Variants in ADGB observed in about 807,000 individuals in gnomAD.
The protein encoded by ADGB is calpain-7-like protein.
ADGB carries 172 observed loss-of-function variants against 210.5 expected under a neutral mutation model. That is an observed-to-expected ratio of 0.82 (90% CI 0.72 to 0.93). The LOEUF is 0.93. Among genes scored for constraint, ADGB ranks in the 40% least tolerant of loss-of-function variants. The probability of loss-of-function intolerance (pLI) is 0.00; values close to 1 mark genes in which losing one functional copy is unlikely to be tolerated. For synonymous variants in ADGB, 658 were observed against 662.7 expected (o/e 0.99, Z 0.11); for missense variants, 2,025 against 1,964.8 (o/e 1.03, Z -0.58).
chr6:146,638,687 A>T (rs984943646), intron 2 of ADGB, among the ~76,000 whole-genome samples: 2 of 151,356 alleles, frequency 1.3e-5, no homozygotes, highest in Non-Finnish European at 3.0e-5. Flanking sequence ...CACACCAACA[A>T]GGCACATGTA....
chr6:146,644,932 T>C, intron 3 of ADGB, 67 bp downstream of exon 3: 1 of 998,400 alleles, frequency 1.0e-6, no homozygotes, highest in Non-Finnish European at 1.4e-6. Flanking sequence ...TGATAAAAAT[T>C]TGCATTTTTT....
chr6:146,687,817 T>G (rs904863874), intron 10 of ADGB, among the ~76,000 whole-genome samples: 1 of 151,942 alleles, frequency 6.6e-6, no homozygotes, highest in East Asian at 1.9e-4. Context: ...CTTTATGGAG[T>G]GCCATAGTCT....
At chr6:146,806,626 G>T (rs1778216097) in intron 35 of ADGB, among the ~76,000 whole-genome samples, 1 of 152,208 alleles carries the variant, frequency 6.6e-6, no homozygotes, top group Non-Finnish European at 1.5e-5. Flanking sequence ...CAAGGACGAA[G>T]ACAAAGCAGC....
At chr6:146,653,540 A>G (rs1268402207) in intron 3 of ADGB, among the ~76,000 whole-genome samples, 1 of 152,180 alleles carries the variant, frequency 6.6e-6, no homozygotes, top group African/African-American at 2.4e-5. Context: ...CTAAATGATG[A>G]GAATACATCG....
At chr6:146,785,788 G>C in intron 32 of ADGB, 76 bp downstream of exon 32, 1 of 1,035,688 alleles carries the variant, frequency 9.7e-7, no homozygotes, top group Non-Finnish European at 1.4e-6. Context: ...ATAATCAGTG[G>C]GTTGTGCTTG....
intron 1 of ADGB, among the ~76,000 whole-genome samples, chr6:146,603,594 G>C (rs1002427046): frequency 3.3e-5 from 5 of 152,084 alleles, no homozygotes; most frequent in Non-Finnish European, 5.9e-5. Flanking sequence ...TAGCCTTGTA[G>C]ATTTGTAATT....
Position 146,685,820 on chromosome 6 carries a change from G to T in ADGB, c.1303G>T (p.Glu435Ter). 1 of 1,528,278 alleles carries T rather than the reference G, an allele frequency of 6.5e-7. No individual in the cohort carries two copies. Among genetic ancestry groups the T allele is most frequent in the South Asian group, 1.2e-5 (1 of 81,526 alleles). 94.7% of individuals were successfully genotyped at this position (1,528,278 alleles called of 1,614,324 possible). A position where few individuals can be genotyped will look rare whatever the true frequency, so the allele number is the denominator to read the frequency against. Residue 435 changes from glutamate (E) to a stop codon, truncating the protein, a stop_gained, in exon 10 of 36, where the codon GAG (glutamate) becomes TAG (stop). Transcript: ENST00000397944. LOFTEE classifies it high-confidence loss of function. ...YLFENKIFSL[E>*]KMADSAEKLR... is the part of the protein sequence containing the mutation. The stretch of plus-strand genomic sequence containing the variant: ...GTTTGAAAACAAGATCTTTTCATTA[G>T]AGAAGATGGTAAGCATTCAAGCTTA...
At chr6:146,766,678 A>G (rs1777581324) in intron 28 of ADGB, among the ~76,000 whole-genome samples, 1 of 152,090 alleles carries the variant, frequency 6.6e-6, no homozygotes, top group South Asian at 2.1e-4. Flanking sequence ...GGATAGGTCC[A>G]ATAGACTTTT....
chr6:146,610,171 A>G (rs1033325223), intron 1 of ADGB, among the ~76,000 whole-genome samples: 1 of 152,038 alleles, frequency 6.6e-6, no homozygotes, highest in Non-Finnish European at 1.5e-5. Flanking sequence ...CTTGTAGTGA[A>G]TTTTTCAGCT....
chr6:146,637,607 G>A (rs1775443938), intron 2 of ADGB, among the ~76,000 whole-genome samples: 1 of 151,916 alleles, frequency 6.6e-6, no homozygotes, highest in Admixed American at 6.6e-5. Context: ...TATAAAGTAA[G>A]GGCAAACCAA....
At chr6:146,643,094 G>A (rs1775542402) in intron 2 of ADGB, among the ~76,000 whole-genome samples, 2 of 151,838 alleles carry the variant, frequency 1.3e-5, no homozygotes, top group African/African-American at 4.8e-5. Context: ...ATGATGTGGG[G>A]AAACCCCAGA....
At chr6:146,726,427 G>C (rs1349197972) in intron 19 of ADGB, among the ~76,000 whole-genome samples, 2 of 152,028 alleles carry the variant, frequency 1.3e-5, no homozygotes, top group Non-Finnish European at 2.9e-5. Context: ...GTTTCACTAT[G>C]TTGGCCAGGC....
chr6:146,716,486 G>A (rs1229086607), intron 14 of ADGB, among the ~76,000 whole-genome samples: 2 of 141,704 alleles, frequency 1.4e-5, no homozygotes, highest in Non-Finnish European at 3.0e-5. Context: ...CCAGCTACTC[G>A]GGAGGCTGAG....
chr6:146,756,775 T>C (rs1180293254), intron 27 of ADGB, among the ~76,000 whole-genome samples: 1 of 151,912 alleles, frequency 6.6e-6, no homozygotes, highest in East Asian at 1.9e-4. Flanking sequence ...TCTCACTCTG[T>C]CACCCAGGCT....
chr6:146,736,315 G>A (rs1297229905), intron 22 of ADGB, among the ~76,000 whole-genome samples, 183 bp from the exon 23 acceptor site: 1 of 152,138 alleles, frequency 6.6e-6, no homozygotes, highest in Non-Finnish European at 1.5e-5. Flanking sequence ...GGTGAGCAGA[G>A]CTCTTGACTA....
At chr6:146,662,260 A>T (rs998582492) in intron 5 of ADGB, among the ~76,000 whole-genome samples, 3 of 152,046 alleles carry the variant, frequency 2.0e-5, no homozygotes, top group African/African-American at 7.2e-5. Context: ...TTCAGTGGCA[A>T]CAATGACATG....
intron 29 of ADGB, among the ~76,000 whole-genome samples, chr6:146,773,838 C>G (rs947949034): frequency 3.3e-5 from 5 of 152,116 alleles, no homozygotes; most frequent in Non-Finnish European, 5.9e-5. Flanking sequence ...TAACTGCTAA[C>G]ATTTATGTCC....
At chr6:146,681,646 G>A (rs948765645) in intron 9 of ADGB, among the ~76,000 whole-genome samples, 3 of 152,082 alleles carry the variant, frequency 2.0e-5, no homozygotes, top group Non-Finnish European at 4.4e-5. Flanking sequence ...ATATGGACAT[G>A]TGGAACTGAT....
intron 16 of ADGB, among the ~76,000 whole-genome samples, chr6:146,719,311 TA>T (rs776391255): frequency 2.0e-5 from 3 of 152,246 alleles, no homozygotes; most frequent in Non-Finnish European, 2.9e-5. Flanking sequence ...GTGTATGTGG[TA>T]AACTGGTCAA....
Sources: gnomAD v4.1 joint callset for allele counts (sites outside exome capture counted in the v4.1 genomes callset) on GRCh38, gnomAD v4.1.1 for gene constraint, MANE v1.5 for transcripts, NCBI Gene and HGNC (gene_info 2026-07-23, HGNC 2026-07-21) for gene names.